Variants in MTA3 observed in about 807,000 individuals in gnomAD.
MTA3 encodes metastasis-associated protein MTA3.
MTA3 carries 34 observed loss-of-function variants against 83.5 expected under a neutral mutation model. The ratio of observed to expected loss-of-function variants is 0.41; its 90% CI spans 0.31 to 0.54. The LOEUF is 0.54. MTA3 is among the 20% of genes least tolerant of loss of function. The pLI is 0.33. For synonymous variants in MTA3, 303 were observed against 252.7 expected, an observed-to-expected ratio of 1.20 and a Z score of -1.89; for missense variants, 761 against 726.4, an observed-to-expected ratio of 1.05 and a Z score of -0.55.
intron 12 of MTA3, among the ~76,000 whole-genome samples, chr2:42,705,747 C>G (rs1666027142): frequency 6.6e-6 from 1 of 152,092 alleles, no homozygotes; most frequent in African/African-American, 2.4e-5. Flanking sequence ...AAACCCCTTT[C>G]ACACTCACGT....
chr2:42,575,450 G>C (rs1678935809), intron 2 of MTA3, among the ~76,000 whole-genome samples: 1 of 152,112 alleles, frequency 6.6e-6, no homozygotes, highest in East Asian at 1.9e-4. Flanking sequence ...TAATGCTTAT[G>C]TGTACATAGC....
chr2:42,620,912 A>G (rs577122085), intron 4 of MTA3, among the ~76,000 whole-genome samples: 18 of 152,298 alleles, frequency 1.2e-4, no homozygotes, highest in Middle Eastern at 6.8e-3. Flanking sequence ...TTATTTAGAC[A>G]TGGGTATTTT....
chr2:42,731,264 T>C (rs80320900), intron 16 of MTA3, among the ~76,000 whole-genome samples: 10 of 152,392 alleles, frequency 6.6e-5, no homozygotes, highest in Non-Finnish European at 1.3e-4. Context: ...TTGCTTTTGC[T>C]TTCCTAGTTC....
chr2:42,722,342 A>G lies in MTA3; in HGVS notation c.1613-547A>G, dbSNP rs111423222. ...AAAGCATTTCATCTACCTCTTGACT[A>G]TTGTATTTGGACTTTGGTTTCAGGT... is the stretch of plus-strand genomic sequence containing the variant. On this transcript the variant is annotated intron_variant, in intron 15 of 16. Transcript: ENST00000405094. Among the ~76,000 whole-genome samples the G allele has an allele frequency of 6.0e-3, 907 of 152,192 alleles. 11 individuals carry two copies. The highest frequency in any genetic ancestry group is 0.02 in the African/African-American group (849 of 41,522).
chr2:42,603,744 AC>A (rs1195452129), intron 3 of MTA3, among the ~76,000 whole-genome samples: 1 of 152,116 alleles, frequency 6.6e-6, no homozygotes, highest in Non-Finnish European at 1.5e-5. Flanking sequence ...TGAGGTCAAC[AC>A]AATTTTCTTT....
chr2:42,504,735 A>G (rs761933139), intron 2 of MTA3, among the ~76,000 whole-genome samples: 1 of 149,330 alleles, frequency 6.7e-6, no homozygotes, highest in Non-Finnish European at 1.5e-5. Context: ...GGGTTCAAGC[A>G]GTTCTCCCAC....
intron 5 of MTA3, 47 bp downstream of exon 5, chr2:42,640,283 C>A (rs1304165843): frequency 2.3e-6 from 3 of 1,296,102 alleles, no homozygotes; most frequent in African/African-American, 2.9e-5. Flanking sequence ...CTTTATTTCA[C>A]ATGAAGCTCT....
Position 42,756,402 on chromosome 2 carries a change from G to A in MTA3, c.*3003G>A. On this transcript the variant is annotated 3_prime_UTR_variant, in exon 17 of 17. Transcript: ENST00000405094. Reference sequence around the variant, plus strand: ...TGGAAGCAGCTGCCCTGGGAGCCTGGGACAGGCGACCCACCGGGTCAGTCC... The same window carrying A: ...TGGAAGCAGCTGCCCTGGGAGCCTGAGACAGGCGACCCACCGGGTCAGTCC... 1.1e-6 allele frequency: 1 copy of A among 944,016 alleles called. No homozygotes were observed. Among genetic ancestry groups the A allele is most frequent in the Non-Finnish European group, 1.3e-6 (1 of 792,280 alleles). The allele number at this position is 944,016 out of a possible 1,614,324, so 58.5% of individuals were successfully genotyped here.
chr2:42,594,728 A>ATATATATATTTTTTTTTTTT, intron 3 of MTA3, among the ~76,000 whole-genome samples: 12 of 24,042 alleles, frequency 5.0e-4, no homozygotes, highest in Non-Finnish European at 6.5e-4. Flanking sequence ...ATATATATAT[A>ATATATATATTTTTTTTTTTT]TTTTTTTTTT....
chr2:42,527,953 ACT>A (rs1280396171), intron 2 of MTA3, among the ~76,000 whole-genome samples: 1 of 151,780 alleles, frequency 6.6e-6, no homozygotes, highest in Admixed American at 6.6e-5. Context: ...ACGGAATCTC[ACT>A]CTGTCACCCA....
intron 9 of MTA3, among the ~76,000 whole-genome samples, chr2:42,686,349 T>A (rs939153800): frequency 2.0e-5 from 3 of 152,236 alleles, no homozygotes; most frequent in Non-Finnish European, 2.9e-5. Flanking sequence ...TACAGTTTTT[T>A]ACAGTTAAAG....
rs1333297646 is a variant in MTA3, at chr2:42,626,526, G to A, written c.318-13647G>A. Among the ~76,000 whole-genome samples, 4 of 151,704 alleles carry A rather than the reference G, an allele frequency of 2.6e-5. No homozygotes were observed. The South Asian group carries it at 8.3e-4, about 32-fold the overall frequency. Reference sequence around the variant, plus strand: ...TTGGCCAGGCTGGTCTCGAACTCCTGACCTCGTGATCCGCCTGCCTCGGCC... The same window carrying A: ...TTGGCCAGGCTGGTCTCGAACTCCTAACCTCGTGATCCGCCTGCCTCGGCC... On this transcript the variant is annotated intron_variant, in intron 4 of 16. Transcript: ENST00000405094.
intron 2 of MTA3, among the ~76,000 whole-genome samples, chr2:42,572,876 C>T (rs545526957): frequency 1.3e-5 from 2 of 151,960 alleles, no homozygotes; most frequent in African/African-American, 4.8e-5. Flanking sequence ...TACAGGCATG[C>T]GCCACCATGC....
chr2:42,633,465 A>G (rs553871461), intron 4 of MTA3, among the ~76,000 whole-genome samples: 2 of 152,028 alleles, frequency 1.3e-5, no homozygotes, highest in African/African-American at 2.4e-5. Context: ...TGTGGTCCCA[A>G]TTACTCAGGA....
At chr2:42,613,131 CT>C (rs1157348297) in intron 4 of MTA3, among the ~76,000 whole-genome samples, 1 of 152,128 alleles carries the variant, frequency 6.6e-6, no homozygotes, top group African/African-American at 2.4e-5. Flanking sequence ...CAAGACACTT[CT>C]TTGTTGAACA....
In MTA3 at chr2:42,624,219, A is replaced by T. The variant is rs146398558; in HGVS notation, c.317+14635A>T. ...TTTTATTTTTATTTCAATAAAACTG[A>T]ATTACTTTTATAATAAAATACAATA... On this transcript the variant is annotated intron_variant, in intron 4 of 16. Coordinates refer to ENST00000405094, the MANE Select transcript of MTA3 (RefSeq NM_001330442.2). Among the ~76,000 whole-genome samples, 862 of 152,142 alleles carry T rather than the reference A, an allele frequency of 5.7e-3. 5 individuals are homozygous for T. The highest frequency in any genetic ancestry group is 0.019 in the African/African-American group (809 of 41,544).
At chr2:42,624,512 G>C (rs1038474583) in intron 4 of MTA3, among the ~76,000 whole-genome samples, 22 of 151,868 alleles carry the variant, frequency 1.4e-4, no homozygotes. Context: ...GTAGAGACAG[G>C]GTTTCACCAT....
At chr2:42,669,441 G>C (rs939519278) in intron 8 of MTA3, among the ~76,000 whole-genome samples, 3 of 152,184 alleles carry the variant, frequency 2.0e-5, no homozygotes, top group South Asian at 4.2e-4. Flanking sequence ...CAGAAATCTA[G>C]ACTTCAAAAT....
intron 6 of MTA3, among the ~76,000 whole-genome samples, chr2:42,653,964 C>T (rs1038048432): frequency 1.3e-5 from 2 of 152,174 alleles, no homozygotes; most frequent in African/African-American, 4.8e-5. Flanking sequence ...GTGTCATTCT[C>T]CATTCTCAGG....
Sources: allele counts gnomAD v4.1 joint callset (sites outside exome capture counted in the v4.1 genomes callset), GRCh38; gene constraint gnomAD v4.1.1; transcripts MANE v1.5; gene names NCBI Gene and HGNC (gene_info 2026-07-23, HGNC 2026-07-21).